PLA2G2E: variants seen among roughly 807,000 people sequenced by gnomAD.
PLA2G2E encodes the protein phospholipase A2 group IIE, also known as group IIE secretory phospholipase A2.
In PLA2G2E, 14 loss-of-function variants were observed where a neutral mutation model predicts 16.5. The observed-to-expected ratio is 0.85, with a 90% CI of 0.56 to 1.33. The LOEUF (loss-of-function observed/expected upper bound fraction) is 1.33. Ranked by LOEUF, PLA2G2E falls within the 40% of genes most tolerant of loss-of-function variation. The probability of loss-of-function intolerance (pLI) is 0.00; values close to 1 mark genes in which losing one functional copy is unlikely to be tolerated. For synonymous variants in PLA2G2E, 72 were observed against 77.2 expected, an observed-to-expected ratio of 0.93 and a Z score of 0.36; for missense variants, 174 against 190.7, an observed-to-expected ratio of 0.91 and a Z score of 0.52.
At chr1:19,921,308 G>A (rs2045812704) in intron 3 of PLA2G2E, among the ~76,000 whole-genome samples, 1 of 152,206 alleles carries the variant, frequency 6.6e-6, no homozygotes, top group Admixed American at 6.5e-5. Flanking sequence ...CTTTTTCCAG[G>A]AGCTGGGCTG....
At position 19,923,536 on chromosome 1, in the gene PLA2G2E, C is replaced by A. The variant is rs1472571043; in HGVS notation, c.24G>T (p.Val8=). 6.4e-7 allele frequency: 1 copy of A among 1,550,796 alleles called. No individual in the cohort carries two copies. The highest frequency in any genetic ancestry group is 2.0e-5 in the Admixed American group (1 of 50,908). Residue 8 remains valine (V), a synonymous_variant, in exon 1 of 4, where the codon GTG becomes GTT. Transcript: ENST00000375116. The part of the protein sequence containing the change: MKSPHVL[V]FLCLLVALVT... ...ATCACTTACCCAGGAGGCAAAGGAA[C>A]ACCAGCACGTGGGGAGATTTCATCC...
intron 1 of PLA2G2E, among the ~76,000 whole-genome samples, chr1:19,923,197 T>C (rs1157432022): frequency 6.6e-6 from 1 of 152,206 alleles, no homozygotes; most frequent in Non-Finnish European, 1.5e-5. Context: ...GACTCAGCCA[T>C]GGGACTGAAT....
chr1:19,920,689 C>T lies in PLA2G2E; in HGVS notation c.287-240G>A, dbSNP rs550075839. 3.3e-5 allele frequency among the ~76,000 whole-genome samples: 5 copies of T among 152,262 alleles called. No individual in the cohort carries two copies. Among genetic ancestry groups the T allele is most frequent in the East Asian group, 1.9e-4 (1 of 5,160 alleles). On this transcript the variant is annotated intron_variant, in intron 3 of 3. Coordinates refer to ENST00000375116, the MANE Select transcript of PLA2G2E (RefSeq NM_014589.3). This position sits in a 1 kb window ranked among gnomAD's most constrained non-coding sequence, Gnocchi z 4.3. ...GTCCCTCCCTGCTCTCCCAAGCCCA[C>T]GCTGACTGCCCTTAGCTCTCTCCGG...
At chr1:19,922,539 C>G in intron 2 of PLA2G2E, 78 bp downstream of exon 2, 3 of 1,583,030 alleles carry the variant, frequency 1.9e-6, no homozygotes, top group Non-Finnish European at 2.6e-6. Context: ...CCAGGCTTCC[C>G]TCCTTCTCCC....
At chr1:19,922,427 G>A in intron 2 of PLA2G2E, 23 bp from the exon 3 acceptor site, 4 of 1,602,948 alleles carry the variant, frequency 2.5e-6, no homozygotes, top group South Asian at 1.1e-5. Flanking sequence ...TGGTTGACCT[G>A]GAGGGACCTG....
In PLA2G2E at chr1:19,920,995, A is replaced by G. The variant is rs2045809689; in HGVS notation, c.287-546T>C. On this transcript the variant is annotated intron_variant, in intron 3 of 3. Coordinates refer to ENST00000375116, the MANE Select transcript of PLA2G2E (RefSeq NM_014589.3). This position sits in a 1 kb window ranked among gnomAD's most constrained non-coding sequence, Gnocchi z 4.3. ...AGAGCCCAGTTTTCTGCCCATACCCAGCCTGGGAGTCAGACTTCTACCCTG... is the reference window on the plus strand; with the variant it reads ...AGAGCCCAGTTTTCTGCCCATACCCGGCCTGGGAGTCAGACTTCTACCCTG... Among the ~76,000 whole-genome samples, 1 of 152,058 alleles carries G rather than the reference A, an allele frequency of 6.6e-6. No individual in the cohort carries two copies. The highest frequency in any genetic ancestry group is 1.9e-4 in the East Asian group (1 of 5,162).
chr1:19,920,234 A>C lies in PLA2G2E; in HGVS notation c.*73T>G. ...TCCAAAGGGAGGGCCTTTGGTGCCA[A>C]TGTTCCCCAGGCCTGGGACTACAGC... is the stretch of plus-strand genomic sequence containing the variant. On this transcript the variant is annotated 3_prime_UTR_variant, in exon 4 of 4. Transcript: ENST00000375116. This position sits in a 1 kb window ranked among gnomAD's most constrained non-coding sequence, Gnocchi z 4.3. 1 of 1,359,084 alleles carries C rather than the reference A, an allele frequency of 7.4e-7. No individual in the cohort carries two copies. Among genetic ancestry groups the C allele is most frequent in the Non-Finnish European group, 1.0e-6 (1 of 982,774 alleles). 84.2% of individuals were successfully genotyped at this position (1,359,084 alleles called of 1,614,324 possible). A position where few individuals can be genotyped will look rare whatever the true frequency, so the allele number is the denominator to read the frequency against.
rs150454811 is a variant in PLA2G2E, at chr1:19,921,518, C to T, written c.286+780G>A. 2.2e-3 allele frequency among the ~76,000 whole-genome samples: 332 copies of T among 152,314 alleles called. 1 individual carries two copies. The highest frequency in any genetic ancestry group is 7.6e-3 in the African/African-American group (318 of 41,576). The stretch of plus-strand genomic sequence containing the variant: ...TGGCTGCTTCTGCCTTGCATGGACT[C>T]CCAGCGACAGAGACTCAGTACCTGG... On this transcript the variant is annotated intron_variant, in intron 3 of 3. Coordinates refer to ENST00000375116, the MANE Select transcript of PLA2G2E (RefSeq NM_014589.3).
At position 19,922,814 on chromosome 1, in the gene PLA2G2E, C is replaced by T. The variant is rs1230566100; in HGVS notation, c.41-59G>A. 9.5e-6 allele frequency: 15 copies of T among 1,573,028 alleles called. No individual in the cohort carries two copies. The South Asian group carries it at 1.5e-4, about 16-fold the overall frequency. On this transcript the variant is annotated intron_variant, in intron 1 of 3. Coordinates refer to ENST00000375116, the MANE Select transcript of PLA2G2E (RefSeq NM_014589.3). The stretch of plus-strand genomic sequence containing the variant: ...GCCCCACCCTCTGCAGCCAACTTCC[C>T]CTGATGTCCCCTCAAATCTGATCAC...
chr1:19,921,323 G>A (rs547590652), intron 3 of PLA2G2E, among the ~76,000 whole-genome samples: 1 of 152,326 alleles, frequency 6.6e-6, no homozygotes, highest in East Asian at 1.9e-4. Context: ...GGGCTGAGCT[G>A]GGGAAGTGGG....
intron 1 of PLA2G2E, 90 bp from the exon 2 acceptor site, chr1:19,922,845 T>G: frequency 1.3e-6 from 2 of 1,482,350 alleles, no homozygotes; most frequent in Non-Finnish European, 1.8e-6. Context: ...ATCACAGGCA[T>G]CTCTCCAGTT....
chr1:19,922,880 AG>A (rs2045827730), intron 1 of PLA2G2E, 125 bp from the exon 2 acceptor site: 1 of 1,011,614 alleles, frequency 9.9e-7, no homozygotes, highest in African/African-American at 1.6e-5. Flanking sequence ...ACCTCCCCAA[AG>A]CAACCCACTC....
intron 3 of PLA2G2E, among the ~76,000 whole-genome samples, chr1:19,921,727 G>A (rs1301295635): frequency 6.6e-6 from 1 of 152,200 alleles, no homozygotes; most frequent in East Asian, 1.9e-4. Context: ...GAGAGAGCTT[G>A]GCTCTCTCAT....
rs752445369 is a variant in PLA2G2E at position 19,920,374 on chromosome 1, C to T, written c.362G>A (p.Gly121Asp). The T allele has an allele frequency of 2.5e-6, 4 of 1,613,716 alleles. No individual in the cohort carries two copies. Among genetic ancestry groups the T allele is most frequent in the African/African-American group, 2.7e-5 (2 of 74,920 alleles). The change falls in exon 4 of 4, where the codon GGC becomes GAC. Residue 121 changes from glycine to aspartate, a missense_variant. By Grantham distance (94) the Gly-to-Asp change is moderately conservative. Coordinates refer to ENST00000375116, the MANE Select transcript of PLA2G2E (RefSeq NM_014589.3). This position sits in a 1 kb window ranked among gnomAD's most constrained non-coding sequence, Gnocchi z 4.3. ...ATGGGCATATTTGCGGTTGTAGGTG[C>T]CCAGGTTGCGGCGAAAGCAGAGGGC... ...RAALCFRRNL[G>D]TYNRKYAHYP...
rs2045802434 is a variant in PLA2G2E, at chr1:19,920,042, G to C, written c.*265C>G. On this transcript the variant is annotated 3_prime_UTR_variant, in exon 4 of 4. Coordinates refer to ENST00000375116, the MANE Select transcript of PLA2G2E (RefSeq NM_014589.3). The surrounding 1 kb of genome is among the most constrained non-coding windows in gnomAD (Gnocchi z 4.3). ...AAACATTATTCACTTATTCAGAAGA[G>C]GGAGCTGAGATCCCAGAAGCTAGTG... The C allele has an allele frequency of 2.4e-6, 1 of 415,450 alleles. No individual in the cohort carries two copies. Among genetic ancestry groups the C allele is most frequent in the African/African-American group, 2.0e-5 (1 of 50,622 alleles). The allele number at this position is 415,450 out of a possible 1,614,324, so 25.7% of individuals were successfully genotyped here. A position where few individuals can be genotyped will look rare whatever the true frequency, so the allele number is the denominator to read the frequency against.
chr1:19,920,761 G>A lies in PLA2G2E; in HGVS notation c.287-312C>T, dbSNP rs1207459678. ...CCCTAACTCTCACTGCCCCCGACCAGGGGGATTTCTAGGCAACCCCTGCAC... is the reference window on the plus strand; with the variant it reads ...CCCTAACTCTCACTGCCCCCGACCAAGGGGATTTCTAGGCAACCCCTGCAC... On this transcript the variant is annotated intron_variant, in intron 3 of 3. Coordinates refer to ENST00000375116, the MANE Select transcript of PLA2G2E (RefSeq NM_014589.3). The surrounding 1 kb of genome is among the most constrained non-coding windows in gnomAD (Gnocchi z 4.3). 6.6e-6 allele frequency among the ~76,000 whole-genome samples: 1 copy of A among 152,132 alleles called. No homozygotes were observed. The highest frequency in any genetic ancestry group is 1.5e-5 in the Non-Finnish European group (1 of 68,032).
chr1:19,922,985 C>T (rs1359096805), intron 1 of PLA2G2E, among the ~76,000 whole-genome samples: 1 of 152,152 alleles, frequency 6.6e-6, no homozygotes, highest in Non-Finnish European at 1.5e-5. Context: ...TCAGCGCCCC[C>T]AGTGTCCCCT....
rs1457158399 is a variant in PLA2G2E at position 19,922,788 on chromosome 1, G to GGCCCCACCCTCTGCA, written c.41-48_41-34dup. 3.4e-6 allele frequency: 5 copies of GGCCCCACCCTCTGCA among 1,483,588 alleles called. No homozygotes were observed. In the South Asian group the frequency reaches 5.8e-5, roughly 17 times the overall value. The allele number at this position is 1,483,588 out of a possible 1,614,324, so 91.9% of individuals were successfully genotyped here. A position where few individuals can be genotyped will look rare whatever the true frequency, so the allele number is the denominator to read the frequency against. On this transcript the variant is annotated intron_variant, in intron 1 of 3. Transcript: ENST00000375116. ...GAGGGAGAGGGAGAGGGAGAGGGAG[G>GGCCCCACCCTCTGCA]GCCCCACCCTCTGCAGCCAACTTCC...
intron 2 of PLA2G2E, 44 bp from the exon 3 acceptor site, chr1:19,922,448 TGGGCTGGACCAGGGGCTGCTC>T: frequency 1.3e-6 from 2 of 1,587,148 alleles, no homozygotes; most frequent in Non-Finnish European, 1.7e-6. Flanking sequence ...TGAGCCAGGC[TGGGCTGGACCAGGGGCTGCTC>T]GGGGCCCCCG....
Sources: gnomAD v4.1 joint callset for allele counts (sites outside exome capture counted in the v4.1 genomes callset) on GRCh38, gnomAD v4.1.1 for gene constraint, Gnocchi (gnomAD v3.1) non-coding constraint, MANE v1.5 for transcripts, NCBI Gene and HGNC (gene_info 2026-07-23, HGNC 2026-07-21) for gene names.